BRPF3: variants seen among roughly 807,000 people sequenced by gnomAD.
The protein encoded by BRPF3 is bromodomain and PHD finger containing 3, also known as bromodomain and PHD finger-containing protein 3.
In BRPF3, 18 loss-of-function variants were observed where a neutral mutation model predicts 102.0. The ratio of observed to expected loss-of-function variants is 0.18; its 90% CI spans 0.12 to 0.26. The LOEUF is 0.26. Among genes scored for constraint, BRPF3 ranks in the 10% least tolerant of loss-of-function variants. The pLI is 1.00. For synonymous variants in BRPF3, 570 were observed against 614.2 expected (o/e 0.93, Z 1.06); for missense variants, 1,147 against 1,567.8 (o/e 0.73, Z 4.53).
chr6:36,199,549 G>A (rs922938158), intron 1 of BRPF3, among the ~76,000 whole-genome samples: 9 of 152,202 alleles, frequency 5.9e-5, no homozygotes, highest in African/African-American at 9.7e-5. Context: ...GTTTCTGATC[G>A]TGGTAAGAGG....
chr6:36,221,026 A>T (rs1280212882), intron 9 of BRPF3, among the ~76,000 whole-genome samples: 1 of 152,180 alleles, frequency 6.6e-6, no homozygotes, highest in Non-Finnish European at 1.5e-5. Context: ...GAGAAAATTT[A>T]AAGTTATATA....
rs773820315 is a variant in BRPF3 at position 36,204,641 on chromosome 6, G to A, written c.1449-17G>A. ...CCCACTGACCTTGTCTTTCACTTCCGTGTGCCTCTACTCAAGGTTGAACAA... is the reference window on the plus strand; with the variant it reads ...CCCACTGACCTTGTCTTTCACTTCCATGTGCCTCTACTCAAGGTTGAACAA... On this transcript the variant is annotated splice_polypyrimidine_tract_variant and intron_variant, in intron 2 of 12. Transcript: ENST00000357641. 1.9e-5 allele frequency: 31 copies of A among 1,614,038 alleles called. No individual in the cohort carries two copies. Among genetic ancestry groups the A allele is most frequent in the Admixed American group, 1.0e-4 (6 of 60,002 alleles).
chr6:36,219,021 T>C (rs1457641457), intron 9 of BRPF3, among the ~76,000 whole-genome samples: 1 of 152,176 alleles, frequency 6.6e-6, no homozygotes, highest in Non-Finnish European at 1.5e-5. Flanking sequence ...GCTAATGTCA[T>C]GGCCCCACCC....
intron 3 of BRPF3, 83 bp downstream of exon 3, chr6:36,204,897 C>T: frequency 6.4e-7 from 1 of 1,552,006 alleles, no homozygotes; most frequent in Admixed American, 1.8e-5. Flanking sequence ...GGGCTGGCAC[C>T]CCTTCTTGAT....
rs2127289201 is a variant in BRPF3 at position 36,214,318 on chromosome 6, A to G, written c.2921A>G (p.Lys974Arg). 6.2e-7 allele frequency: 1 copy of G among 1,613,728 alleles called. No homozygotes were observed. Among genetic ancestry groups the G allele is most frequent in the Non-Finnish European group, 8.5e-7 (1 of 1,179,998 alleles). The change falls in exon 8 of 13, where the codon AAG becomes AGG. Residue 974 changes from lysine (K) to arginine (R), a missense_variant. This residue lies in a region of BRPF3 where 379 missense variants were observed against 426.3 expected (regional missense o/e 0.89). Coordinates refer to ENST00000357641, the MANE Select transcript of BRPF3 (RefSeq NM_015695.3). ...ATCGAGGAAGAGCGCCACTCCCGGA[A>G]GCGGCCAAGGAGCAGGAGCTGTAGT... ...ASIEEERHSR[K>R]RPRSRSCSES...
At chr6:36,197,205 C>G (rs934506351) in intron 1 of BRPF3, 2 of 152,492 alleles carry the variant, frequency 1.3e-5, no homozygotes, top group East Asian at 3.9e-4. Flanking sequence ...TCTCCCCCCC[C>G]AGCCCTGGAT....
Position 36,210,747 on chromosome 6 carries a change from G to A in BRPF3, c.2179+219G>A, listed in dbSNP as rs1169829002. 6.6e-6 allele frequency among the ~76,000 whole-genome samples: 1 copy of A among 152,214 alleles called. No individual in the cohort carries two copies. The highest frequency in any genetic ancestry group is 1.9e-4 in the East Asian group (1 of 5,198). Reference sequence around the variant, plus strand: ...GCACTTCTTAAGTGGTAGAAAAGGGGAATCAGGTACTAGTGGTCTGTTTGA... The same window carrying A: ...GCACTTCTTAAGTGGTAGAAAAGGGAAATCAGGTACTAGTGGTCTGTTTGA... On this transcript the variant is annotated intron_variant, in intron 6 of 12. Coordinates refer to ENST00000357641, the MANE Select transcript of BRPF3 (RefSeq NM_015695.3). This position sits in a 1 kb window ranked among gnomAD's most constrained non-coding sequence, Gnocchi z 4.7.
In BRPF3 at chr6:36,207,324, T is replaced by A; in HGVS notation, c.1617T>A (p.Asp539Glu). Residue 539 changes from aspartate (D) to glutamate (E), a missense_variant, in exon 4 of 13, where the codon GAT becomes GAA. By Grantham distance (45) the Asp-to-Glu change is conservative (BLOSUM62 2). Around this residue, in one of 11 missense-constraint regions of BRPF3, gnomAD observed 37 missense variants for 33.3 expected, o/e 1.11. Coordinates refer to ENST00000357641, the MANE Select transcript of BRPF3 (RefSeq NM_015695.3). ...SQRNAEQREQ[D>E]EKTSAVKEEL... is the part of the protein sequence containing the mutation. ...CTTCCCTCCTGTAGCGAGAGCAGGATGAGAAGACAAGTGCAGTGAAGGAGG... is the reference window on the plus strand; with the variant it reads ...CTTCCCTCCTGTAGCGAGAGCAGGAAGAGAAGACAAGTGCAGTGAAGGAGG... The A allele has an allele frequency of 6.2e-7, 1 of 1,613,812 alleles. No individual in the cohort carries two copies. Among genetic ancestry groups the A allele is most frequent in the Admixed American group, 1.7e-5 (1 of 60,010 alleles).
At chr6:36,222,809 C>A (rs1561833246) in intron 10 of BRPF3, among the ~76,000 whole-genome samples, 2 of 152,142 alleles carry the variant, frequency 1.3e-5, no homozygotes, top group African/African-American at 2.4e-5. Context: ...AGATTGTTTT[C>A]ATTTATTATC....
intron 9 of BRPF3, among the ~76,000 whole-genome samples, chr6:36,221,083 A>G (rs757952549): frequency 7.9e-5 from 12 of 152,196 alleles, no homozygotes; most frequent in Non-Finnish European, 1.6e-4. Context: ...AGTGCTAGCC[A>G]TATCATTTTT....
At chr6:36,216,692 C>G (rs1285313018) in intron 8 of BRPF3, among the ~76,000 whole-genome samples, 1 of 152,216 alleles carries the variant, frequency 6.6e-6, no homozygotes, top group African/African-American at 2.4e-5. Flanking sequence ...TGGCCCATCT[C>G]TGTACACCTC....
chr6:36,227,737 C>T (rs1768793366), intron 11 of BRPF3, among the ~76,000 whole-genome samples: 1 of 152,190 alleles, frequency 6.6e-6, no homozygotes, highest in African/African-American at 2.4e-5. Context: ...CCAGGAGGGA[C>T]AGACAGGCTG....
chr6:36,199,613 C>T (rs1438801035), intron 1 of BRPF3, among the ~76,000 whole-genome samples: 1 of 152,212 alleles, frequency 6.6e-6, no homozygotes, highest in East Asian at 1.9e-4. Flanking sequence ...CCATTGTTCA[C>T]GTACAGAGCT....
intron 12 of BRPF3, among the ~76,000 whole-genome samples, chr6:36,229,474 G>T (rs931223442): frequency 1.3e-5 from 2 of 152,244 alleles, no homozygotes; most frequent in African/African-American, 4.8e-5. Flanking sequence ...TGAGGGAGGG[G>T]TGTGGCCTGG....
At chr6:36,221,234 T>C (rs1384897993) in intron 9 of BRPF3, among the ~76,000 whole-genome samples, 2 of 151,800 alleles carry the variant, frequency 1.3e-5, no homozygotes, top group African/African-American at 4.8e-5. Context: ...CTTTGTGTAA[T>C]ATACATTTTG....
intron 10 of BRPF3, among the ~76,000 whole-genome samples, chr6:36,224,804 C>G (rs1341342377): frequency 6.6e-6 from 1 of 152,058 alleles, no homozygotes; most frequent in Non-Finnish European, 1.5e-5. Context: ...TGGCCTGTAG[C>G]CTATTTTTGT....
chr6:36,201,425 C>T lies in BRPF3; in HGVS notation c.1103C>T (p.Thr368Ile), dbSNP rs747319225. The change falls in exon 2 of 13, where the codon ACC becomes ATC. Residue 368 changes from threonine (T) to isoleucine (I), a missense_variant. Around this residue, in one of 11 missense-constraint regions of BRPF3, gnomAD observed 157 missense variants for 163.6 expected, o/e 0.96. Coordinates refer to ENST00000357641, the MANE Select transcript of BRPF3 (RefSeq NM_015695.3). This position sits in a 1 kb window ranked among gnomAD's most constrained non-coding sequence, Gnocchi z 5.1. Reference sequence around the variant, plus strand: ...ATGAAGATTGAGCCCATGCGCGAAACCAGCCTCAATGGCACCATCTTTACA... The same window carrying T: ...ATGAAGATTGAGCCCATGCGCGAAATCAGCCTCAATGGCACCATCTTTACA... The part of the protein sequence containing the change: ...LFMKIEPMRE[T>I]SLNGTIFTVR... 6.2e-7 allele frequency: 1 copy of T among 1,614,182 alleles called. No homozygotes were observed. The highest frequency in any genetic ancestry group is 8.5e-7 in the Non-Finnish European group (1 of 1,180,040).
chr6:36,214,631 C>T (rs1366026501), intron 8 of BRPF3, among the ~76,000 whole-genome samples: 1 of 152,102 alleles, frequency 6.6e-6, no homozygotes, highest in African/African-American at 2.4e-5. Flanking sequence ...GAGGGTAATG[C>T]AATGTTGTAT....
chr6:36,224,655 T>C (rs1768670431), intron 10 of BRPF3, among the ~76,000 whole-genome samples: 1 of 152,206 alleles, frequency 6.6e-6, no homozygotes, highest in Non-Finnish European at 1.5e-5. Context: ...GACTCCGCAC[T>C]CAGGGAGGCC....
Sources: gnomAD v4.1 joint callset for allele counts (sites outside exome capture counted in the v4.1 genomes callset) on GRCh38, gnomAD v4.1.1 for gene constraint, gnomAD v4.1.1 regional missense constraint, Gnocchi (gnomAD v3.1) non-coding constraint, MANE v1.5 for transcripts, NCBI Gene and HGNC (gene_info 2026-07-23, HGNC 2026-07-21) for gene names.